PTPRE: variants seen among roughly 807,000 people sequenced by gnomAD.
PTPRE encodes protein tyrosine phosphatase receptor type E.
PTPRE carries 51 observed loss-of-function variants against 102.0 expected under a neutral mutation model. The observed-to-expected ratio is 0.50, with a 90% CI of 0.40 to 0.63. The LOEUF (loss-of-function observed/expected upper bound fraction) is 0.63, where lower values mean the gene tolerates loss of function less well. Among genes scored for constraint, PTPRE ranks in the 30% least tolerant of loss-of-function variants. The probability of loss-of-function intolerance (pLI) is 0.00; values close to 1 mark genes in which losing one functional copy is unlikely to be tolerated. For missense variants in PTPRE, 752 were observed against 915.1 expected, an observed-to-expected ratio of 0.82 and a Z score of 2.30; for synonymous variants, 345 against 348.2, an observed-to-expected ratio of 0.99 and a Z score of 0.10.
At chr10:128,073,517 C>T (rs1361152635) in intron 17 of PTPRE, 46 bp downstream of exon 17, 1 of 1,595,468 alleles carries the variant, frequency 6.3e-7, no homozygotes, top group Non-Finnish European at 8.5e-7. Flanking sequence ...AGCCTGTGCA[C>T]CTGAGGCACT....
At chr10:127,921,506 G>A (rs188233432) in intron 1 of PTPRE, among the ~76,000 whole-genome samples, 92 of 152,320 alleles carry the variant, frequency 6.0e-4, no homozygotes, top group Non-Finnish European at 1.2e-3. Context: ...ACCTGCCTGG[G>A]AAGGGCTTTA....
intron 3 of PTPRE, among the ~76,000 whole-genome samples, chr10:128,045,307 G>A (rs1405523361): frequency 6.6e-6 from 1 of 152,248 alleles, no homozygotes; most frequent in Non-Finnish European, 1.5e-5. Context: ...GCAGGAACGT[G>A]GAGGCCAGAC....
chr10:128,067,231 TGCAC>T (rs1367020046), intron 11 of PTPRE, among the ~76,000 whole-genome samples: 1 of 93,214 alleles, frequency 1.1e-5, no homozygotes, highest in Non-Finnish European at 2.3e-5. Context: ...TGCACACACA[TGCAC>T]ACACGCACAC....
intron 10 of PTPRE, 36 bp from the exon 11 acceptor site, chr10:128,066,039 C>G: frequency 6.2e-7 from 1 of 1,614,162 alleles, no homozygotes; most frequent in Non-Finnish European, 8.5e-7. Context: ...ATTGCACCCA[C>G]AGATCTATTT....
rs779958554 is a variant in PTPRE at position 128,077,719 on chromosome 10, C to T, written c.1828C>T (p.Leu610Phe). The T allele has an allele frequency of 1.2e-6, 2 of 1,613,362 alleles. No homozygotes were observed. Among genetic ancestry groups the T allele is most frequent in the South Asian group, 2.2e-5 (2 of 91,080 alleles). ...CGCCGAGGGCAAAGGCATGATTGAC[C>T]TCATCGCAGCCGTGCAGAAGCAGCA... ...IPAEGKGMID[L>F]IAAVQKQQQQ... The change falls in exon 19 of 21, where the codon CTC (leucine) becomes TTC (phenylalanine). Residue 610 changes from leucine (L) to phenylalanine (F), a missense_variant. Physicochemically the swap from Leu to Phe is conservative, Grantham distance 22. This residue lies in a region of PTPRE where 636 missense variants were observed against 824.4 expected (regional missense o/e 0.77). Coordinates refer to ENST00000254667, the MANE Select transcript of PTPRE (RefSeq NM_006504.6).
At chr10:128,037,719 A>G (rs1847330554) in intron 2 of PTPRE, among the ~76,000 whole-genome samples, 1 of 152,236 alleles carries the variant, frequency 6.6e-6, no homozygotes, top group Non-Finnish European at 1.5e-5. Context: ...AGTTCTAGAA[A>G]TCACATGCAA....
intron 1 of PTPRE, among the ~76,000 whole-genome samples, chr10:127,961,313 G>C (rs1216125657): frequency 6.6e-6 from 1 of 152,164 alleles, no homozygotes; most frequent in Admixed American, 6.5e-5. Context: ...AGCAGGGTTG[G>C]CCGGAGGCAG....
At chr10:127,991,614 C>G (rs72847314) in intron 2 of PTPRE, among the ~76,000 whole-genome samples, 14,064 of 152,210 alleles carry the variant, frequency 0.092, 762 homozygotes, top group Admixed American at 0.13. Context: ...CAAAGTTGTG[C>G]AATTTTTTGA....
intron 2 of PTPRE, among the ~76,000 whole-genome samples, chr10:128,017,855 C>T (rs1845561070): frequency 6.6e-6 from 1 of 152,196 alleles, no homozygotes; most frequent in African/African-American, 2.4e-5. Flanking sequence ...CCTCCTCCCC[C>T]AGCCTGGCTC....
At chr10:127,998,273 T>G (rs1853485658) in intron 2 of PTPRE, 1 of 152,210 alleles carries the variant, frequency 6.6e-6, no homozygotes, top group Non-Finnish European at 1.5e-5. Flanking sequence ...CTTAACGTCA[T>G]CATCGAAGTC....
chr10:128,026,035 C>G (rs1846263995), intron 2 of PTPRE, among the ~76,000 whole-genome samples: 1 of 152,232 alleles, frequency 6.6e-6, no homozygotes, highest in Non-Finnish European at 1.5e-5. Flanking sequence ...CCCCGAGAGT[C>G]TCCCATGTAT....
intron 2 of PTPRE, among the ~76,000 whole-genome samples, chr10:128,005,442 A>T (rs1471416942): frequency 1.3e-5 from 2 of 152,024 alleles, no homozygotes; most frequent in African/African-American, 2.4e-5. Flanking sequence ...AGAGCCTTAC[A>T]CAGGGCCAGC....
intron 2 of PTPRE, among the ~76,000 whole-genome samples, chr10:128,012,507 C>G (rs1282347104): frequency 6.6e-6 from 1 of 152,222 alleles, no homozygotes; most frequent in Non-Finnish European, 1.5e-5. Context: ...GGCACCCACC[C>G]AGCCTTGGGA....
rs993455222 is a variant in PTPRE, at chr10:127,907,538, T to A, written c.-31+229T>A. On this transcript the variant is annotated intron_variant, in intron 1 of 20. Transcript: ENST00000254667. This position sits in a 1 kb window ranked among gnomAD's most constrained non-coding sequence, Gnocchi z 4.8. ...CTGTGGCGCGTCCCCTCACCCGGAG[T>A]CCCCAGCCCAACTTGGCGACCACAG... Among the ~76,000 whole-genome samples, 26 of 149,576 alleles carry A rather than the reference T, an allele frequency of 1.7e-4. No homozygotes were observed. The highest frequency in any genetic ancestry group is 3.3e-4 in the Non-Finnish European group (22 of 67,342).
intron 1 of PTPRE, among the ~76,000 whole-genome samples, chr10:127,955,913 A>T (rs191888950): frequency 3.7e-3 from 561 of 152,238 alleles, no homozygotes; most frequent in Non-Finnish European, 5.9e-3. Flanking sequence ...AAACCATCAG[A>T]TCTCGTGAGA....
chr10:127,993,936 C>A (rs1470617024), intron 2 of PTPRE, among the ~76,000 whole-genome samples: 1 of 152,098 alleles, frequency 6.6e-6, no homozygotes, highest in East Asian at 1.9e-4. Context: ...CTGGTCGGGG[C>A]AGGAAGTGGA....
chr10:127,986,534 A>C (rs912650964), intron 2 of PTPRE, among the ~76,000 whole-genome samples: 3 of 152,218 alleles, frequency 2.0e-5, no homozygotes, highest in African/African-American at 7.2e-5. Flanking sequence ...TAACGTGTGA[A>C]TATTCAGCAA....
At chr10:127,948,158 G>A (rs1443632093) in intron 1 of PTPRE, among the ~76,000 whole-genome samples, 1 of 152,190 alleles carries the variant, frequency 6.6e-6, no homozygotes, top group Non-Finnish European at 1.5e-5. Flanking sequence ...GGAAGGGTGA[G>A]CCTAGGCTTA....
intron 1 of PTPRE, among the ~76,000 whole-genome samples, chr10:127,918,530 G>A (rs902260045): frequency 1.3e-5 from 2 of 149,766 alleles, no homozygotes; most frequent in African/African-American, 2.5e-5. Context: ...CTGCACTCCA[G>A]CCTGGGCGAC....
Sources: allele counts gnomAD v4.1 joint callset (sites outside exome capture counted in the v4.1 genomes callset), GRCh38; gene constraint gnomAD v4.1.1; regional missense constraint gnomAD v4.1.1; non-coding constraint Gnocchi (gnomAD v3.1); transcripts MANE v1.5; gene names NCBI Gene and HGNC (gene_info 2026-07-23, HGNC 2026-07-21).